Variants in CCDC13 observed in about 807,000 individuals in gnomAD.
The protein encoded by CCDC13 is coiled-coil domain-containing protein 13.
Under a neutral mutation model 87.3 loss-of-function variants are expected in CCDC13, and 70 were observed. That is an observed-to-expected ratio of 0.80 (90% confidence interval 0.66 to 0.98). CCDC13 has a LOEUF of 0.98. CCDC13 is among the 50% of genes least tolerant of loss of function. The pLI is 0.00. For missense variants in CCDC13, 842 were observed against 892.0 expected (o/e 0.94, Z 0.71); for synonymous variants, 317 against 360.3 (o/e 0.88, Z 1.36).
chr3:42,758,623 T>C (rs1433956038), intron 1 of CCDC13, among the ~76,000 whole-genome samples: 1 of 152,202 alleles, frequency 6.6e-6, no homozygotes, highest in Non-Finnish European at 1.5e-5. Flanking sequence ...CTCTTGCCTG[T>C]CCCTTAAATC....
At position 42,739,674 on chromosome 3, in the gene CCDC13, T is replaced by C; in HGVS notation, c.1124A>G (p.Glu375Gly). 6.2e-7 allele frequency: 1 copy of C among 1,614,182 alleles called. No individual in the cohort carries two copies. The highest frequency in any genetic ancestry group is 1.1e-5 in the South Asian group (1 of 91,086). Residue 375 changes from glutamate (E) to glycine (G), a missense_variant, in exon 9 of 16, where the codon GAG (glutamate) becomes GGG (glycine). Physicochemically the swap from Glu to Gly is moderately conservative, Grantham distance 98. Coordinates refer to ENST00000310232, the MANE Select transcript of CCDC13 (RefSeq NM_144719.4). ...TLKSQMGTLV[E>G]KGRHDDELID... ...GAGCTCGTCATCATGCCGGCCCTTC[T>C]CCACCAGGGTTCCCATCTGACTCTT...
At chr3:42,710,623 A>G (rs1698288447) in intron 14 of CCDC13, among the ~76,000 whole-genome samples, 1 of 152,236 alleles carries the variant, frequency 6.6e-6, no homozygotes, top group Non-Finnish European at 1.5e-5. Flanking sequence ...GCTTGAGGTC[A>G]GGAGTTCAAG....
chr3:42,711,012 TA>T (rs1698296667), intron 14 of CCDC13, among the ~76,000 whole-genome samples: 1 of 151,014 alleles, frequency 6.6e-6, no homozygotes, highest in African/African-American at 2.4e-5. Context: ...TTGGGAGGTC[TA>T]GGGGGGTGGA....
chr3:42,725,598 C>G (rs980589542), intron 13 of CCDC13, among the ~76,000 whole-genome samples: 9 of 150,772 alleles, frequency 6.0e-5, no homozygotes, highest in African/African-American at 2.0e-4. Context: ...AGTAAGGAAG[C>G]CTGCAGTCTA....
chr3:42,731,231 C>T (rs910744778), intron 12 of CCDC13, among the ~76,000 whole-genome samples: 1 of 151,682 alleles, frequency 6.6e-6, no homozygotes, highest in Non-Finnish European at 1.5e-5. Flanking sequence ...CCCAGTGAGA[C>T]CCTGAGCTTA....
intron 10 of CCDC13, among the ~76,000 whole-genome samples, chr3:42,735,182 G>C (rs1441860103): frequency 1.3e-5 from 2 of 152,260 alleles, no homozygotes; most frequent in Non-Finnish European, 2.9e-5. Context: ...CCGAGGCCGT[G>C]GGGGAGGAGG....
At chr3:42,770,458 A>T (rs1418012446) in intron 1 of CCDC13, among the ~76,000 whole-genome samples, 1 of 152,180 alleles carries the variant, frequency 6.6e-6, no homozygotes, top group African/African-American at 2.4e-5. Flanking sequence ...GCAATTGTAA[A>T]TGCACCAATC....
intron 1 of CCDC13, among the ~76,000 whole-genome samples, chr3:42,764,132 T>G (rs1467889758): frequency 2.0e-5 from 3 of 152,232 alleles, no homozygotes; most frequent in Non-Finnish European, 4.4e-5. Context: ...ATCATGCAAA[T>G]GAAGCCTCCA....
At chr3:42,745,270 A>G (rs564173666) in intron 7 of CCDC13, 1 of 151,642 alleles carries the variant, frequency 6.6e-6, no homozygotes, top group African/African-American at 2.4e-5. Flanking sequence ...TGCTTCCTCC[A>G]TGCCAGGCCC....
chr3:42,711,089 T>C (rs1698298666), intron 14 of CCDC13, among the ~76,000 whole-genome samples: 1 of 151,790 alleles, frequency 6.6e-6, no homozygotes, highest in African/African-American at 2.4e-5. Context: ...TTACTAAAAA[T>C]ACATAAATTA....
At chr3:42,760,292 CT>C (rs1559662310) in intron 1 of CCDC13, among the ~76,000 whole-genome samples, 2,207 of 144,756 alleles carry the variant, frequency 0.015, 70 homozygotes, top group African/African-American at 0.054. Flanking sequence ...ATTCTTGTCT[CT>C]AAATAAATAA....
intron 12 of CCDC13, 33 bp from the exon 13 acceptor site, chr3:42,730,622 T>A: frequency 3.7e-6 from 6 of 1,608,050 alleles, no homozygotes; most frequent in Non-Finnish European, 4.3e-6. Flanking sequence ...AGGGCAGAGG[T>A]CATCCGAGGC....
At chr3:42,766,455 T>A (rs1295272360) in intron 1 of CCDC13, among the ~76,000 whole-genome samples, 1 of 151,866 alleles carries the variant, frequency 6.6e-6, no homozygotes, top group Non-Finnish European at 1.5e-5. Context: ...ACCAATGCAC[T>A]AAAAACAGCG....
At chr3:42,727,832 GAAGT>G (rs553755353) in intron 13 of CCDC13, among the ~76,000 whole-genome samples, 118 of 152,140 alleles carry the variant, frequency 7.8e-4, no homozygotes, top group African/African-American at 2.7e-3. Flanking sequence ...AACTTGCAAA[GAAGT>G]AAGAGAAATA....
chr3:42,733,655 G>A, intron 10 of CCDC13, 46 bp from the exon 11 acceptor site: 2 of 1,547,822 alleles, frequency 1.3e-6, no homozygotes, highest in Non-Finnish European at 1.7e-6. Context: ...TTGGCTCAGA[G>A]GCCTAGAGAA....
chr3:42,759,706 C>T (rs1699788790), intron 1 of CCDC13, among the ~76,000 whole-genome samples: 1 of 152,164 alleles, frequency 6.6e-6, no homozygotes, highest in Non-Finnish European at 1.5e-5. Context: ...TGTTATTGGA[C>T]ATCTGAGCTG....
intron 11 of CCDC13, 24 bp downstream of exon 11, chr3:42,733,446 C>T (rs769281893): frequency 6.2e-7 from 1 of 1,613,188 alleles, no homozygotes. Context: ...ACTTTCCAAC[C>T]CCTCCCTCCC....
chr3:42,761,905 G>A (rs182913449), intron 1 of CCDC13, among the ~76,000 whole-genome samples: 5 of 152,208 alleles, frequency 3.3e-5, no homozygotes, highest in Admixed American at 2.6e-4. Flanking sequence ...TTTCTGACCC[G>A]CCAGGAGGAA....
intron 1 of CCDC13, among the ~76,000 whole-genome samples, chr3:42,767,090 A>G (rs1347705583): frequency 2.0e-5 from 3 of 152,132 alleles, no homozygotes; most frequent in African/African-American, 7.2e-5. Context: ...TAAAAGATAT[A>G]TATTTTGGAA....
Sources: gnomAD v4.1 joint callset for allele counts (sites outside exome capture counted in the v4.1 genomes callset) on GRCh38, gnomAD v4.1.1 for gene constraint, MANE v1.5 for transcripts, NCBI Gene and HGNC (gene_info 2026-07-23, HGNC 2026-07-21) for gene names.